The following GPC5 variants were observed in gnomAD, a reference collection of about 807,000 sequenced individuals.
GPC5 encodes the protein glypican-5.
GPC5 carries 47 observed loss-of-function variants against 53.9 expected under a neutral mutation model. The ratio of observed to expected loss-of-function variants is 0.87; its 90% CI spans 0.69 to 1.11. GPC5 has a LOEUF of 1.11. Ranked by LOEUF, GPC5 falls within the 50% of genes most tolerant of loss-of-function variation. The pLI is 0.00. For synonymous variants in GPC5, 286 were observed against 263.3 expected, an observed-to-expected ratio of 1.09 and a Z score of -0.84; for missense variants, 748 against 713.1, an observed-to-expected ratio of 1.05 and a Z score of -0.56.
At chr13:91,645,218 C>T (rs1215943844) in intron 2 of GPC5, among the ~76,000 whole-genome samples, 1 of 152,134 alleles carries the variant, frequency 6.6e-6, no homozygotes, top group Non-Finnish European at 1.5e-5. Flanking sequence ...AGTTCAATAT[C>T]CTGTTTTTTT....
chr13:92,199,900 A>T (rs2042282380), intron 7 of GPC5, among the ~76,000 whole-genome samples: 1 of 152,184 alleles, frequency 6.6e-6, no homozygotes, highest in African/African-American at 2.4e-5. Context: ...TTGAGAAAAT[A>T]GGTACAGGTA....
At chr13:92,635,829 A>T (rs1009807168) in intron 7 of GPC5, among the ~76,000 whole-genome samples, 1 of 152,248 alleles carries the variant, frequency 6.6e-6, no homozygotes, top group Non-Finnish European at 1.5e-5. Context: ...AACATAAAGC[A>T]CATCCTCAGT....
chr13:91,973,365 C>T (rs1054283582), intron 6 of GPC5, among the ~76,000 whole-genome samples: 10 of 152,146 alleles, frequency 6.6e-5, no homozygotes, highest in South Asian at 2.1e-4. Flanking sequence ...GTCATCCATT[C>T]GTCTAATTAT....
chr13:92,001,579 T>C (rs577695769), intron 6 of GPC5, among the ~76,000 whole-genome samples: 6 of 152,178 alleles, frequency 3.9e-5, no homozygotes, highest in African/African-American at 1.2e-4. Flanking sequence ...GAGGGATCAA[T>C]TTACACTAAT....
At chr13:92,570,879 C>T (rs1464143870) in intron 7 of GPC5, among the ~76,000 whole-genome samples, 1 of 152,106 alleles carries the variant, frequency 6.6e-6, no homozygotes, top group Non-Finnish European at 1.5e-5. Flanking sequence ...GTTCAAATAT[C>T]ATCTTAATTT....
At chr13:92,608,722 C>T (rs1186371366) in intron 7 of GPC5, among the ~76,000 whole-genome samples, 2 of 152,082 alleles carry the variant, frequency 1.3e-5, no homozygotes, top group Admixed American at 6.6e-5. Context: ...GTGTTCCTGC[C>T]CGTGACTCCA....
intron 6 of GPC5, chr13:91,994,412 T>A (rs1288046751): frequency 6.6e-6 from 1 of 152,212 alleles, no homozygotes; most frequent in Non-Finnish European, 1.5e-5. Context: ...TTCCTTATAT[T>A]CATTCAAAAC....
intron 2 of GPC5, among the ~76,000 whole-genome samples, chr13:91,560,133 G>A (rs1434060128): frequency 6.6e-6 from 1 of 152,058 alleles, no homozygotes; most frequent in Non-Finnish European, 1.5e-5. Context: ...ATACTCAGTG[G>A]TGTTCTGTGT....
At chr13:91,818,100 A>G (rs560233165) in intron 5 of GPC5, among the ~76,000 whole-genome samples, 26 of 152,296 alleles carry the variant, frequency 1.7e-4, no homozygotes, top group African/African-American at 5.8e-4. Flanking sequence ...TTTCCTGGAA[A>G]CTGGCATCTG....
At chr13:92,591,240 C>T (rs375085974) in intron 7 of GPC5, among the ~76,000 whole-genome samples, 3 of 152,062 alleles carry the variant, frequency 2.0e-5, no homozygotes, top group African/African-American at 7.2e-5. Context: ...AGATTCGTTT[C>T]CCCTCCAGAA....
At chr13:91,535,147 T>G (rs182777781) in intron 2 of GPC5, among the ~76,000 whole-genome samples, 2 of 152,298 alleles carry the variant, frequency 1.3e-5, no homozygotes, top group African/African-American at 4.8e-5. Context: ...AAATTACATG[T>G]GCTATTTTCT....
intron 5 of GPC5, among the ~76,000 whole-genome samples, chr13:91,808,788 G>C (rs932861339): frequency 6.6e-6 from 1 of 152,084 alleles, no homozygotes; most frequent in Admixed American, 6.6e-5. Context: ...CCCAGTCCCT[G>C]CCACTCACAT....
intron 7 of GPC5, among the ~76,000 whole-genome samples, chr13:92,225,425 C>T (rs561665417): frequency 6.6e-5 from 10 of 152,192 alleles, no homozygotes; most frequent in African/African-American, 2.4e-4. Context: ...ATAAGAATGC[C>T]ATTAAAATAG....
chr13:92,120,448 T>C (rs2041639678), intron 6 of GPC5, among the ~76,000 whole-genome samples: 1 of 152,106 alleles, frequency 6.6e-6, no homozygotes, highest in Non-Finnish European at 1.5e-5. Context: ...TTTGTAGAGA[T>C]GGGGTCTCAC....
chr13:91,786,207 C>T (rs1361558320), intron 5 of GPC5, among the ~76,000 whole-genome samples: 8 of 151,902 alleles, frequency 5.3e-5, no homozygotes, highest in African/African-American at 1.2e-4. Flanking sequence ...ATGTTGGTCA[C>T]GCTGGTCTCA....
At chr13:91,586,847 T>C (rs550785110) in intron 2 of GPC5, among the ~76,000 whole-genome samples, 150 of 151,878 alleles carry the variant, frequency 9.9e-4, no homozygotes, top group Non-Finnish European at 1.9e-3. Context: ...AGTTTCAGTA[T>C]TCAAAATGGA....
intron 1 of GPC5, among the ~76,000 whole-genome samples, chr13:91,446,866 A>C (rs1880843615): frequency 1.3e-5 from 2 of 152,226 alleles, no homozygotes; most frequent in Admixed American, 1.3e-4. Context: ...GAGATAAGTC[A>C]ATCTTTGAGG....
intron 7 of GPC5, among the ~76,000 whole-genome samples, chr13:92,314,862 C>T (rs974897364): frequency 1.3e-5 from 2 of 152,084 alleles, no homozygotes; most frequent in Non-Finnish European, 2.9e-5. Context: ...AGCCTCAACA[C>T]CCCCCATGCT....
chr13:91,470,714 C>A (rs575886528), intron 2 of GPC5, among the ~76,000 whole-genome samples: 1 of 152,138 alleles, frequency 6.6e-6, no homozygotes, highest in Non-Finnish European at 1.5e-5. Context: ...GTAAAAGTGT[C>A]TGAAGTAATT....
Sources: gnomAD v4.1 joint callset for allele counts (sites outside exome capture counted in the v4.1 genomes callset) on GRCh38, gnomAD v4.1.1 for gene constraint, MANE v1.5 for transcripts, NCBI Gene and HGNC (gene_info 2026-07-23, HGNC 2026-07-21) for gene names.